Variants in CEP112 observed in about 807,000 individuals in gnomAD.
CEP112 encodes centrosomal protein of 112 kDa.
In CEP112, 127 loss-of-function variants were observed where a neutral mutation model predicts 153.0. The observed-to-expected ratio is 0.83, with a 90% CI of 0.72 to 0.96. The LOEUF (loss-of-function observed/expected upper bound fraction) is 0.96, where lower values mean the gene tolerates loss of function less well. Among genes scored for constraint, CEP112 ranks in the 40% least tolerant of loss-of-function variants. The pLI, the probability that CEP112 is intolerant of heterozygous loss-of-function variation, is 0.00. For missense variants in CEP112, 1,089 were observed against 1,101.2 expected (o/e 0.99, Z 0.16); for synonymous variants, 358 against 374.4 (o/e 0.96, Z 0.51).
At chr17:66,047,040 G>A (rs2066240492) in intron 12 of CEP112, among the ~76,000 whole-genome samples, 1 of 152,150 alleles carries the variant, frequency 6.6e-6, no homozygotes, top group Admixed American at 6.5e-5. Flanking sequence ...TGCCACAGCA[G>A]CCCTAGGAAA....
At chr17:65,899,350 T>C (rs2059768607) in intron 20 of CEP112, among the ~76,000 whole-genome samples, 1 of 152,108 alleles carries the variant, frequency 6.6e-6, no homozygotes, top group South Asian at 2.1e-4. Flanking sequence ...AAATATAATA[T>C]ATCCTGCCAT....
At chr17:66,060,256 C>G (rs1175061254) in intron 11 of CEP112, among the ~76,000 whole-genome samples, 9 of 152,072 alleles carry the variant, frequency 5.9e-5, no homozygotes, top group Non-Finnish European at 1.3e-4. Flanking sequence ...TGTAACACAC[C>G]TGCACATCTA....
intron 20 of CEP112, among the ~76,000 whole-genome samples, chr17:65,860,416 T>A (rs1032481689): frequency 2.0e-5 from 3 of 152,134 alleles, no homozygotes; most frequent in Non-Finnish European, 2.9e-5. Flanking sequence ...ACAAGGTGGA[T>A]CTAAAATGTA....
intron 18 of CEP112, among the ~76,000 whole-genome samples, chr17:65,945,177 T>C (rs929045849): frequency 6.6e-6 from 1 of 152,254 alleles, no homozygotes; most frequent in Non-Finnish European, 1.5e-5. Flanking sequence ...CAACTTTACA[T>C]CTGTGAAATT....
chr17:66,172,340 G>A (rs1218246412), intron 4 of CEP112, among the ~76,000 whole-genome samples: 1 of 152,132 alleles, frequency 6.6e-6, no homozygotes, highest in Non-Finnish European at 1.5e-5. Flanking sequence ...GGAGTAAATG[G>A]CGGGGTCGCC....
At chr17:66,031,468 G>T (rs200660101) in intron 12 of CEP112, among the ~76,000 whole-genome samples, 72 of 24,588 alleles carry the variant, frequency 2.9e-3, no homozygotes, top group South Asian at 5.4e-3. Context: ...ACCCAGTTTT[G>T]TTTTGTTTTT....
intron 18 of CEP112, among the ~76,000 whole-genome samples, chr17:65,948,536 T>C (rs948670622): frequency 8.6e-5 from 13 of 151,648 alleles, no homozygotes; most frequent in African/African-American, 3.1e-4. Flanking sequence ...TCACAGAGAA[T>C]AGGTAAATAT....
In CEP112 at chr17:66,132,744, TC is replaced by T; in HGVS notation, c.489del (p.Lys164SerfsTer4). The T allele has an allele frequency of 6.2e-7, 1 of 1,613,648 alleles. No homozygotes were observed. The highest frequency in any genetic ancestry group is 1.1e-5 in the South Asian group (1 of 91,070). On this transcript the variant is annotated frameshift_variant, in exon 5 of 27. Coordinates refer to ENST00000535342, the MANE Select transcript of CEP112 (RefSeq NM_001199165.4). LOFTEE classifies it high-confidence loss of function. ...AAGGAGTGTGATCTCACTCGGAGCTTCCCAGTGTACTGTTCCCTGCTAAGAG... is the reference window on the plus strand; with the variant it reads ...AAGGAGTGTGATCTCACTCGGAGCTTCCAGTGTACTGTTCCCTGCTAAGAG... The part of the protein sequence containing the change: ...TDVYSREQYT[G>X]KLRVRSHSLS...
intron 23 of CEP112, among the ~76,000 whole-genome samples, chr17:65,721,086 A>G (rs895848226): frequency 1.4e-5 from 2 of 143,194 alleles, no homozygotes; most frequent in African/African-American, 2.6e-5. Flanking sequence ...ATCTCGGCTC[A>G]CTGCAAGCTT....
intron 21 of CEP112, among the ~76,000 whole-genome samples, chr17:65,774,703 G>A (rs149434007): frequency 6.6e-6 from 1 of 152,288 alleles, no homozygotes; most frequent in East Asian, 1.9e-4. Flanking sequence ...TAGAGCCACT[G>A]GGGCTTACAT....
At chr17:65,698,510 A>G (rs1227055101) in intron 23 of CEP112, among the ~76,000 whole-genome samples, 2 of 152,208 alleles carry the variant, frequency 1.3e-5, no homozygotes, top group East Asian at 1.9e-4. Flanking sequence ...AGGAAAAGAA[A>G]TCATGTTATT....
intron 21 of CEP112, among the ~76,000 whole-genome samples, chr17:65,834,448 T>C (rs1189764830): frequency 6.6e-6 from 1 of 152,038 alleles, no homozygotes; most frequent in African/African-American, 2.4e-5. Context: ...TCGCAAACTA[T>C]GCATGTAACA....
Position 66,096,568 on chromosome 17 carries a change from A to G in CEP112, c.690+17T>C, listed in dbSNP as rs372156709. 1.3e-5 allele frequency: 21 copies of G among 1,561,162 alleles called. No individual in the cohort carries two copies. Among genetic ancestry groups the G allele is most frequent in the Admixed American group, 3.4e-5 (2 of 58,388 alleles). ...AATACCTGCCCCTAGAAAAAGTCCA[A>G]TGGATTTCTCACATACCAGAGAAAC... On this transcript the variant is annotated intron_variant, in intron 7 of 26. Transcript: ENST00000535342.
intron 4 of CEP112, among the ~76,000 whole-genome samples, chr17:66,144,487 G>A (rs1187812070): frequency 3.3e-5 from 5 of 152,140 alleles, no homozygotes; most frequent in Admixed American, 6.5e-5. Context: ...GAGGTCAAGA[G>A]TTCAGGACCA....
rs2044816396 is a variant in CEP112, at chr17:65,637,171, CTT to C, written c.2815_2816del (p.Lys939GlufsTer45). The C allele has an allele frequency of 6.2e-7, 1 of 1,614,002 alleles. No homozygotes were observed. Among genetic ancestry groups the C allele is most frequent in the Non-Finnish European group, 8.5e-7 (1 of 1,179,894 alleles). On this transcript the variant is annotated frameshift_variant, in exon 26 of 27. Coordinates refer to ENST00000535342, the MANE Select transcript of CEP112 (RefSeq NM_001199165.4). LOFTEE classifies it high-confidence loss of function. Reference sequence around the variant, plus strand: ...GTTCTTCCTGAAGGATGGAAGCTCTCTTTTGCAGAAAATTAACCTAGAAAAGA... The same window carrying C: ...GTTCTTCCTGAAGGATGGAAGCTCTCTTGCAGAAAATTAACCTAGAAAAGA... Reference protein sequence around the residue: ...SLKSQVNFLQKRASILQEELT... With the variant: ...SLKSQVNFLQXRASILQEELT...
rs1555711271 is a variant in CEP112, at chr17:65,916,287, G to GTGTGTA, written c.1980+11289_1980+11294dup. Among the ~76,000 whole-genome samples the GTGTGTA allele has an allele frequency of 6.4e-3, 941 of 147,530 alleles. 12 individuals are homozygous for GTGTGTA. Among genetic ancestry groups the GTGTGTA allele is most frequent in the African/African-American group, 0.022 (859 of 39,316 alleles). On this transcript the variant is annotated intron_variant, in intron 19 of 26. Transcript: ENST00000535342. ...TGTGTGTGTGTGTGTGTGTGTGTGT[G>GTGTGTA]TGTGTATGTGTGGTAGGAGTAGTGG...
chr17:65,893,975 C>T (rs1176543656), intron 20 of CEP112, among the ~76,000 whole-genome samples: 1 of 152,068 alleles, frequency 6.6e-6, no homozygotes, highest in Non-Finnish European at 1.5e-5. Context: ...CTCTCTGTCA[C>T]AAAAAATTAC....
intron 16 of CEP112, among the ~76,000 whole-genome samples, chr17:66,025,953 ATAGATATATATAGAC>A (rs1240396983): frequency 6.7e-5 from 8 of 119,032 alleles, no homozygotes; most frequent in South Asian, 2.3e-4. Context: ...ACACACATAT[ATAGATATATATAGAC>A]CACACACACA....
At chr17:65,729,422 G>A (rs1044209491) in intron 23 of CEP112, among the ~76,000 whole-genome samples, 10 of 151,772 alleles carry the variant, frequency 6.6e-5, no homozygotes, top group Non-Finnish European at 1.5e-4. Context: ...AAGTAATTGC[G>A]GTTTTTGCCA....
Sources: gnomAD v4.1 joint callset for allele counts (sites outside exome capture counted in the v4.1 genomes callset) on GRCh38, gnomAD v4.1.1 for gene constraint, MANE v1.5 for transcripts, NCBI Gene and HGNC (gene_info 2026-07-23, HGNC 2026-07-21) for gene names.